The following KPNB1 variants were observed in gnomAD, a reference collection of about 807,000 sequenced individuals.
The protein encoded by KPNB1 is karyopherin subunit beta 1.
Under a neutral mutation model 113.0 loss-of-function variants are expected in KPNB1, and 7 were observed. The ratio of observed to expected loss-of-function variants is 0.06; its 90% CI spans 0.04 to 0.12. The LOEUF (loss-of-function observed/expected upper bound fraction) is 0.12. Among genes scored for constraint, KPNB1 ranks in the 10% least tolerant of loss-of-function variants. The pLI, the probability that KPNB1 is intolerant of heterozygous loss-of-function variation, is 1.00. For missense variants in KPNB1, 400 were observed against 1,054.8 expected (o/e 0.38, Z 8.60); for synonymous variants, 363 against 378.6 (o/e 0.96, Z 0.48).
At chr17:47,673,647 C>A in intron 14 of KPNB1, 86 bp downstream of exon 14, 1 of 1,009,890 alleles carries the variant, frequency 9.9e-7, no homozygotes, top group Non-Finnish European at 1.6e-6. Context: ...ACACAGAACT[C>A]GAAAATGGTA....
rs1195987925 is a variant in KPNB1, at chr17:47,684,624, G to A, written c.*2220G>A. 5.9e-5 allele frequency: 9 copies of A among 152,540 alleles called. No homozygotes were observed. The highest frequency in any genetic ancestry group is 2.2e-4 in the African/African-American group (9 of 41,406). The allele number at this position is 152,540 out of a possible 1,614,324, so 9.4% of individuals were successfully genotyped here. ...ATTTCTGTCCTGTGTGGGCTGCTTA[G>A]CTAGACAGCAGGAGAATAAAGTACA... On this transcript the variant is annotated 3_prime_UTR_variant, in exon 22 of 22. Coordinates refer to ENST00000290158, the MANE Select transcript of KPNB1 (RefSeq NM_002265.6).
At position 47,683,090 on chromosome 17, in the gene KPNB1, T is replaced by TAAAAAAAAAAAAAAAA. The variant is rs1157291179; in HGVS notation, c.*700_*715dup. The TAAAAAAAAAAAAAAAA allele has an allele frequency of 1.2e-4, 2 of 17,256 alleles. No individual in the cohort carries two copies. Among genetic ancestry groups the TAAAAAAAAAAAAAAAA allele is most frequent in the Non-Finnish European group, 2.0e-4 (2 of 10,230 alleles). The allele number at this position is 17,256 out of a possible 1,614,324, so 1.1% of individuals were successfully genotyped here. A position where few individuals can be genotyped will look rare whatever the true frequency, so the allele number is the denominator to read the frequency against. On this transcript the variant is annotated 3_prime_UTR_variant, in exon 22 of 22. Transcript: ENST00000290158. ...GTTTACTGATGCAGCACAAGAGATG[T>TAAAAAAAAAAAAAAAA]AAAAAAAAAAAAAAAAAAAAAAAAA...
intron 3 of KPNB1, among the ~76,000 whole-genome samples, chr17:47,655,322 G>A (rs1055600766): frequency 6.6e-6 from 1 of 152,176 alleles, no homozygotes; most frequent in Admixed American, 6.5e-5. Context: ...ACCATGTCAA[G>A]CGAGACATGT....
intron 2 of KPNB1, chr17:47,651,471 T>C (rs961712986): frequency 2.4e-6 from 1 of 408,922 alleles, no homozygotes; most frequent in African/African-American, 2.2e-5. Context: ...AAGGCTTATT[T>C]TATACAGACT....
intron 19 of KPNB1, 90 bp from the exon 20 acceptor site, chr17:47,679,930 C>G: frequency 1.3e-6 from 1 of 769,226 alleles, no homozygotes; most frequent in South Asian, 1.5e-5. Flanking sequence ...ATCTTCTGAC[C>G]TTGTGATCCA....
intron 19 of KPNB1, 80 bp from the exon 20 acceptor site, chr17:47,679,940 A>G (rs1291956223): frequency 3.7e-6 from 3 of 817,648 alleles, no homozygotes; most frequent in Non-Finnish European, 6.4e-6. Flanking sequence ...CTTGTGATCC[A>G]CCCGCCTGGG....
chr17:47,669,957 T>A, intron 11 of KPNB1, 88 bp downstream of exon 11: 1 of 942,836 alleles, frequency 1.1e-6, no homozygotes, highest in Non-Finnish European at 1.7e-6. Flanking sequence ...TCAATCTGCC[T>A]CACTGGAATG....
intron 17 of KPNB1, 30 bp from the exon 18 acceptor site, chr17:47,678,016 T>TTTTGGTCAA: frequency 6.2e-7 from 1 of 1,600,486 alleles, no homozygotes; most frequent in Non-Finnish European, 8.5e-7. Context: ...AGTTTTGACT[T>TTTTGGTCAA]AATTCACTTT....
intron 9 of KPNB1, among the ~76,000 whole-genome samples, chr17:47,665,441 G>A (rs919339141): frequency 2.2e-4 from 33 of 152,322 alleles, no homozygotes; most frequent in Admixed American, 7.8e-4. Context: ...AAAGAAAGGT[G>A]CTCTGTCAAA....
At chr17:47,677,528 A>T (rs868336409) in intron 17 of KPNB1, among the ~76,000 whole-genome samples, 7 of 151,950 alleles carry the variant, frequency 4.6e-5, no homozygotes, top group Non-Finnish European at 7.4e-5. Flanking sequence ...TTTCTAGAAC[A>T]TTGGCTTTGG....
rs1177204591 is a variant in KPNB1 at position 47,683,838 on chromosome 17, G to A, written c.*1434G>A. 6.6e-6 allele frequency: 1 copy of A among 152,460 alleles called. No individual in the cohort carries two copies. Among genetic ancestry groups the A allele is most frequent in the East Asian group, 1.9e-4 (1 of 5,192 alleles). The allele number at this position is 152,460 out of a possible 1,614,324, so 9.4% of individuals were successfully genotyped here. A position where few individuals can be genotyped will look rare whatever the true frequency, so the allele number is the denominator to read the frequency against. Reference sequence around the variant, plus strand: ...CACTGAAGTTGAAGGTTAATAAAATGGTGTCAAACGTCCCCTGGTCACACA... The same window carrying A: ...CACTGAAGTTGAAGGTTAATAAAATAGTGTCAAACGTCCCCTGGTCACACA... On this transcript the variant is annotated 3_prime_UTR_variant, in exon 22 of 22. Coordinates refer to ENST00000290158, the MANE Select transcript of KPNB1 (RefSeq NM_002265.6).
At chr17:47,664,135 G>T in intron 7 of KPNB1, 24 bp from the exon 8 acceptor site, 1 of 1,495,164 alleles carries the variant, frequency 6.7e-7, no homozygotes, top group Non-Finnish European at 9.3e-7. Context: ...CTTATTTGGG[G>T]CCTGGGGTGT....
At chr17:47,663,390 C>G (rs1280241802) in intron 7 of KPNB1, among the ~76,000 whole-genome samples, 1 of 152,052 alleles carries the variant, frequency 6.6e-6, no homozygotes, top group Non-Finnish European at 1.5e-5. Context: ...GAGGTCAGGC[C>G]CGGTGGCTAA....
chr17:47,680,976 C>T (rs2030753189), intron 21 of KPNB1, among the ~76,000 whole-genome samples: 1 of 152,188 alleles, frequency 6.6e-6, no homozygotes, highest in South Asian at 2.1e-4. Flanking sequence ...TTCCTTTCCT[C>T]ATGCCCTATT....
chr17:47,671,522 A>T (rs2030446215), intron 12 of KPNB1, among the ~76,000 whole-genome samples: 1 of 133,362 alleles, frequency 7.5e-6, no homozygotes, highest in Admixed American at 8.2e-5. Context: ...TACCATTTTT[A>T]TTTTATTTTA....
chr17:47,673,177 G>A lies in KPNB1; in HGVS notation c.1695+12G>A. The stretch of plus-strand genomic sequence containing the variant: ...TTCTTCAGATGGAGGTGAGACCTAA[G>A]AGTGCCCCTGACTATGGGTGGGAAT... On this transcript the variant is annotated intron_variant, in intron 13 of 21. Coordinates refer to ENST00000290158, the MANE Select transcript of KPNB1 (RefSeq NM_002265.6). The A allele has an allele frequency of 6.2e-7, 1 of 1,613,658 alleles. No homozygotes were observed. Among genetic ancestry groups the A allele is most frequent in the Admixed American group, 1.7e-5 (1 of 59,906 alleles).
chr17:47,681,638 T>G (rs977647228), intron 21 of KPNB1, among the ~76,000 whole-genome samples: 16 of 151,256 alleles, frequency 1.1e-4, no homozygotes, highest in African/African-American at 3.4e-4. Context: ...GAACTCCTGA[T>G]TTTAGGTGAT....
At chr17:47,672,382 T>A (rs1302412795) in intron 12 of KPNB1, among the ~76,000 whole-genome samples, 1 of 152,004 alleles carries the variant, frequency 6.6e-6, no homozygotes, top group Non-Finnish European at 1.5e-5. Flanking sequence ...CTTTTTTAAA[T>A]GAATGAAGAA....
intron 21 of KPNB1, among the ~76,000 whole-genome samples, chr17:47,681,244 T>TTCTTC (rs1235553474): frequency 6.6e-6 from 1 of 151,486 alleles, no homozygotes; most frequent in Non-Finnish European, 1.5e-5. Flanking sequence ...TAATTTTCTT[T>TTCTTC]TTTTCTTTTC....
Sources: allele counts gnomAD v4.1 joint callset (sites outside exome capture counted in the v4.1 genomes callset), GRCh38; gene constraint gnomAD v4.1.1; transcripts MANE v1.5; gene names NCBI Gene and HGNC (gene_info 2026-07-23, HGNC 2026-07-21).